The following PRELID2 variants were observed in gnomAD, a reference collection of about 807,000 sequenced individuals.
The protein encoded by PRELID2 is PRELI domain-containing protein 2.
Under a neutral mutation model 28.4 loss-of-function variants are expected in PRELID2, and 25 were observed. The ratio of observed to expected loss-of-function variants is 0.88; its 90% CI spans 0.64 to 1.23. The LOEUF is 1.23. Ranked by LOEUF, PRELID2 falls within the 50% of genes most tolerant of loss-of-function variation. The pLI is 0.00. For missense variants in PRELID2, 201 were observed against 214.4 expected (o/e 0.94, Z 0.39); for synonymous variants, 76 against 71.6 (o/e 1.06, Z -0.31).
intron 1 of PRELID2, among the ~76,000 whole-genome samples, chr5:145,829,495 A>G (rs571581679): frequency 1.3e-5 from 2 of 152,358 alleles, no homozygotes; most frequent in Admixed American, 1.3e-4. Context: ...TAAGCTAGGT[A>G]TATTACATAT....
chr5:145,628,025 A>C (rs1428837193), intron 1 of PRELID2, among the ~76,000 whole-genome samples: 5 of 152,162 alleles, frequency 3.3e-5, no homozygotes, highest in African/African-American at 1.2e-4. Context: ...ATTATGCCTG[A>C]TATGGAGGAA....
chr5:145,335,842 C>T, the PRELID2 span, among the ~76,000 whole-genome samples: 3 of 152,170 alleles, frequency 2.0e-5, no homozygotes, highest in Non-Finnish European at 4.4e-5. Flanking sequence ...CCTGAGGAAT[C>T]CCCACACTGA....
the PRELID2 span, among the ~76,000 whole-genome samples, chr5:145,339,710 G>A: frequency 1.3e-5 from 2 of 152,198 alleles, no homozygotes; most frequent in Non-Finnish European, 2.9e-5. Flanking sequence ...TGGGATCAAA[G>A]CACAAGAAAA....
At chr5:145,237,912 T>C in the PRELID2 span, among the ~76,000 whole-genome samples, 1 of 152,216 alleles carries the variant, frequency 6.6e-6, no homozygotes. Context: ...TACATACAGC[T>C]CTTCACATGG....
At chr5:145,392,444 G>A in the PRELID2 span, among the ~76,000 whole-genome samples, 5 of 152,120 alleles carry the variant, frequency 3.3e-5, no homozygotes. Flanking sequence ...TCTCTCTCAG[G>A]AAATGTGAGG....
the PRELID2 span, among the ~76,000 whole-genome samples, chr5:145,401,025 G>T: frequency 6.6e-6 from 1 of 151,996 alleles, no homozygotes; most frequent in Non-Finnish European, 1.5e-5. Flanking sequence ...CTTAGACTCT[G>T]AAAAGAGCCA....
At chr5:145,784,964 T>C (rs1203376628) in intron 5 of PRELID2, among the ~76,000 whole-genome samples, 1 of 152,120 alleles carries the variant, frequency 6.6e-6, no homozygotes, top group Non-Finnish European at 1.5e-5. Flanking sequence ...AATTTTATAA[T>C]TCAAGAAAAT....
chr5:145,580,036 A>G (rs2149623996), intron 1 of PRELID2, among the ~76,000 whole-genome samples: 1 of 152,228 alleles, frequency 6.6e-6, no homozygotes, highest in East Asian at 1.9e-4. Flanking sequence ...CTATTCCTCT[A>G]TAGAATTCAA....
At chr5:145,595,785 C>T (rs1245223338) in intron 1 of PRELID2, among the ~76,000 whole-genome samples, 1 of 152,136 alleles carries the variant, frequency 6.6e-6, no homozygotes, top group East Asian at 1.9e-4. Context: ...AGTACCTCCC[C>T]TTCATTTTTT....
chr5:145,823,077 C>T lies in PRELID2; in HGVS notation c.133G>A (p.Asp45Asn). The T allele has an allele frequency of 1.3e-6, 2 of 1,495,650 alleles. No homozygotes were observed. Among genetic ancestry groups the T allele is most frequent in the Admixed American group, 3.3e-5 (2 of 59,730 alleles). The allele number at this position is 1,495,650 out of a possible 1,614,324, so 92.6% of individuals were successfully genotyped here. ...TGAAAAAACTGTACAGAGAACTTAC[C>T]TCTTTTTTCCTCCATGATTTTTACT... is the stretch of plus-strand genomic sequence containing the variant. The part of the protein sequence containing the change: ...ISVKIMEEKR[D>N]ESTGVIYRKR... The change falls in exon 2 of 7, where the codon GAT (aspartate) becomes AAT (asparagine). Residue 45 changes from aspartate to asparagine, a missense_variant and splice_region_variant. Physicochemically the swap from Asp to Asn is conservative, Grantham distance 23. Transcript: ENST00000683046.
At chr5:145,563,283 G>A (rs1052640786) in intron 1 of PRELID2, among the ~76,000 whole-genome samples, 33 of 152,204 alleles carry the variant, frequency 2.2e-4, no homozygotes, top group African/African-American at 7.7e-4. Flanking sequence ...CCCACAGACG[G>A]GACCTCCTGG....
At chr5:145,663,540 T>A (rs1754533146) in intron 1 of PRELID2, among the ~76,000 whole-genome samples, 1 of 152,178 alleles carries the variant, frequency 6.6e-6, no homozygotes, top group African/African-American at 2.4e-5. Context: ...ATGCAGAATT[T>A]AAAAGAGAAA....
intron 1 of PRELID2, among the ~76,000 whole-genome samples, chr5:145,569,169 G>T (rs1324570150): frequency 6.6e-6 from 1 of 152,182 alleles, no homozygotes. Flanking sequence ...TCTAAGCAAT[G>T]AAATCTTGTT....
At chr5:145,410,470 TA>T in the PRELID2 span, among the ~76,000 whole-genome samples, 6 of 152,226 alleles carry the variant, frequency 3.9e-5, no homozygotes, top group East Asian at 1.2e-3. Context: ...ATAATTTATT[TA>T]AAAAAACGTT....
At chr5:145,532,778 T>C (rs1188590457) in intron 1 of PRELID2, among the ~76,000 whole-genome samples, 1 of 152,154 alleles carries the variant, frequency 6.6e-6, no homozygotes, top group African/African-American at 2.4e-5. Flanking sequence ...ATCCATATTG[T>C]TGCAAATGAC....
At chr5:145,264,368 A>G in the PRELID2 span, among the ~76,000 whole-genome samples, 11 of 152,200 alleles carry the variant, frequency 7.2e-5, no homozygotes, top group Non-Finnish European at 1.3e-4. Context: ...AATACACCAC[A>G]TACACAGAAT....
At chr5:145,423,007 C>G in the PRELID2 span, among the ~76,000 whole-genome samples, 1 of 146,262 alleles carries the variant, frequency 6.8e-6, no homozygotes, top group African/African-American at 2.5e-5. Flanking sequence ...CTTAGTTTGG[C>G]TGGATATGAA....
chr5:145,383,039 A>G, the PRELID2 span, among the ~76,000 whole-genome samples: 1 of 151,840 alleles, frequency 6.6e-6, no homozygotes, highest in African/African-American at 2.4e-5. Flanking sequence ...AACATTGTTA[A>G]GATATCATTT....
At chr5:145,299,619 A>T in the PRELID2 span, among the ~76,000 whole-genome samples, 2 of 149,024 alleles carry the variant, frequency 1.3e-5, no homozygotes, top group Non-Finnish European at 3.0e-5. Context: ...TTCCCTGCTG[A>T]GACCACTACA....
Sources: allele counts gnomAD v4.1 joint callset (sites outside exome capture counted in the v4.1 genomes callset), GRCh38; gene constraint gnomAD v4.1.1; transcripts MANE v1.5; gene names NCBI Gene and HGNC (gene_info 2026-07-23, HGNC 2026-07-21).